The following PYROXD1 variants were observed in gnomAD, a reference collection of about 807,000 sequenced individuals.
PYROXD1 encodes the protein pyridine nucleotide-disulphide oxidoreductase domain 1, also known as tRNA ligase complex-associated NAD(P)H dehydrogenase PYROXD1.
Under a neutral mutation model 62.0 loss-of-function variants are expected in PYROXD1, and 42 were observed. That is an observed-to-expected ratio of 0.68 (90% confidence interval 0.53 to 0.88). The LOEUF is 0.88. Ranked by LOEUF, PYROXD1 falls within the 40% of genes least tolerant of loss-of-function variation. The pLI is 0.00. For missense variants in PYROXD1, 493 were observed against 604.8 expected (o/e 0.82, Z 1.94); for synonymous variants, 170 against 206.4 (o/e 0.82, Z 1.51).
Position 21,455,260 on chromosome 12 carries a change from T to C in PYROXD1, c.617T>C (p.Ile206Thr), listed in dbSNP as rs1261980731. The change falls in exon 6 of 12, where the codon ATT (isoleucine) becomes ACT (threonine). Residue 206 changes from isoleucine (I) to threonine (T), a missense_variant. By Grantham distance (89) the Ile-to-Thr change is moderately conservative (BLOSUM62 -1). Transcript: ENST00000240651. ...ATTGCTGAAAAATCAGAGGCTAAAA[T>C]TGCACATAAAAGAACCAGATATACA... ...KLIAEKSEAKIAHKRTRYTTE... is the reference protein window; with the variant it reads ...KLIAEKSEAKTAHKRTRYTTE... The C allele has an allele frequency of 6.4e-6, 10 of 1,570,916 alleles. No individual in the cohort carries two copies. The highest frequency in any genetic ancestry group is 5.9e-5 in the South Asian group (5 of 84,176).
intron 10 of PYROXD1, 110 bp downstream of exon 10, chr12:21,462,972 G>T: frequency 9.5e-7 from 1 of 1,052,012 alleles, no homozygotes. Flanking sequence ...TGCTTAAGTA[G>T]GAAGCTAGCA....
intron 3 of PYROXD1, among the ~76,000 whole-genome samples, chr12:21,446,841 G>A (rs1217147454): frequency 6.6e-6 from 1 of 151,960 alleles, no homozygotes; most frequent in Admixed American, 6.6e-5. Flanking sequence ...CCTGAGCCTG[G>A]GAGTTCAAGG....
intron 1 of PYROXD1, chr12:21,438,274 G>A (rs1942230892): frequency 6.5e-6 from 1 of 154,172 alleles, no homozygotes. Flanking sequence ...CTGTAGCTGG[G>A]ATTACAGGCG....
chr12:21,440,683 C>G lies in PYROXD1; in HGVS notation c.165+235C>G, dbSNP rs531703079. ...CTTTCTGTCACCTAATTTAATTGCT[C>G]TAGCTAGGACTTTAGTACTGTGTTG... On this transcript the variant is annotated intron_variant, in intron 2 of 11. Transcript: ENST00000240651. Among the ~76,000 whole-genome samples the G allele has an allele frequency of 2.0e-5, 3 of 152,196 alleles. No individual in the cohort carries two copies. The South Asian group carries it at 6.2e-4, about 32-fold the overall frequency.
At chr12:21,445,101 G>C (rs1942361680) in intron 2 of PYROXD1, among the ~76,000 whole-genome samples, 2 of 152,176 alleles carry the variant, frequency 1.3e-5, no homozygotes, top group Admixed American at 1.3e-4. Context: ...TTACAGGTCA[G>C]CTCTCATTTT....
Position 21,449,641 on chromosome 12 carries a change from T to A in PYROXD1, c.364T>A (p.Cys122Ser). The A allele has an allele frequency of 6.2e-7, 1 of 1,613,312 alleles. No homozygotes were observed. Among genetic ancestry groups the A allele is most frequent in the Non-Finnish European group, 8.5e-7 (1 of 1,179,426 alleles). Reference protein sequence around the residue: ...LCAGAKPKLICEGNPYVLGIR... With the variant: ...LCAGAKPKLISEGNPYVLGIR... The stretch of plus-strand genomic sequence containing the variant: ...TGCTGGAGCTAAACCAAAGTTGATA[T>A]GTGAAGGAAATCCTTATGTATTAGG... Residue 122 changes from cysteine (C) to serine (S), a missense_variant, in exon 4 of 12, where the codon TGT (cysteine) becomes AGT (serine). Transcript: ENST00000240651.
chr12:21,464,755 T>G (rs1942761195), intron 10 of PYROXD1, among the ~76,000 whole-genome samples: 1 of 152,024 alleles, frequency 6.6e-6, no homozygotes, highest in Non-Finnish European at 1.5e-5. Context: ...ATTTAAGTTT[T>G]AGGATACATG....
intron 7 of PYROXD1, among the ~76,000 whole-genome samples, chr12:21,457,841 C>T (rs188905836): frequency 1.8e-4 from 28 of 152,322 alleles, no homozygotes; most frequent in Non-Finnish European, 3.4e-4. Flanking sequence ...GCCGTACCTC[C>T]AACATTGGGG....
intron 3 of PYROXD1, among the ~76,000 whole-genome samples, chr12:21,445,733 G>A (rs1182822877): frequency 6.6e-6 from 1 of 152,168 alleles, no homozygotes; most frequent in Non-Finnish European, 1.5e-5. Context: ...TACTGCATTA[G>A]GTGCTGGGAT....
chr12:21,456,571 G>C (rs1942601153), intron 7 of PYROXD1, among the ~76,000 whole-genome samples: 1 of 152,172 alleles, frequency 6.6e-6, no homozygotes, highest in Admixed American at 6.5e-5. Flanking sequence ...ACAATCATCT[G>C]AGCCTTCAGC....
At position 21,458,675 on chromosome 12, in the gene PYROXD1, G is replaced by A. The variant is rs180797478; in HGVS notation, c.751-2350G>A. 5.3e-5 allele frequency among the ~76,000 whole-genome samples: 8 copies of A among 152,234 alleles called. No homozygotes were observed. The East Asian group carries it at 5.8e-4, about 11-fold the overall frequency. On this transcript the variant is annotated intron_variant, in intron 7 of 11. Transcript: ENST00000240651. ...CTGGTTTCAATATTCTTGTGTCTCC[G>A]GGAATAAGGAGGCCCAAGGAGAGGG...
At chr12:21,467,728 C>CA (rs1321723388) in intron 11 of PYROXD1, 110 bp downstream of exon 11, 9 of 839,532 alleles carry the variant, frequency 1.1e-5, no homozygotes, top group African/African-American at 3.5e-5. Flanking sequence ...TAATCATCTA[C>CA]AAAAAAATGA....
chr12:21,439,416 A>C (rs1719252461), intron 1 of PYROXD1, among the ~76,000 whole-genome samples: 1 of 152,192 alleles, frequency 6.6e-6, no homozygotes, highest in South Asian at 2.1e-4. Context: ...GGAAAGAAAG[A>C]TGGAGAGAGT....
intron 10 of PYROXD1, among the ~76,000 whole-genome samples, chr12:21,466,727 C>T (rs1382223673): frequency 6.6e-6 from 1 of 152,148 alleles, no homozygotes; most frequent in East Asian, 1.9e-4. Context: ...GAGAGGGCAT[C>T]CCTGTCTTAT....
chr12:21,461,249 T>G (rs1217558374), intron 8 of PYROXD1, 95 bp downstream of exon 8: 2 of 777,620 alleles, frequency 2.6e-6, no homozygotes, highest in Non-Finnish European at 3.8e-6. Flanking sequence ...ACTTCGTATT[T>G]CCATATAAAA....
intron 6 of PYROXD1, 71 bp from the exon 7 acceptor site, chr12:21,455,924 T>TA (rs1942587590): frequency 3.2e-6 from 3 of 934,170 alleles, no homozygotes; most frequent in South Asian, 3.0e-5. Context: ...ATTGCCTAAA[T>TA]AAAAAACTTC....
At chr12:21,457,431 ATCT>A (rs1437216711) in intron 7 of PYROXD1, among the ~76,000 whole-genome samples, 6 of 134,432 alleles carry the variant, frequency 4.5e-5, no homozygotes, top group East Asian at 2.0e-4. Flanking sequence ...TTTGAAATGA[ATCT>A]TTTTTTTTTT....
At chr12:21,464,838 G>A (rs113650217) in intron 10 of PYROXD1, among the ~76,000 whole-genome samples, 8,467 of 151,944 alleles carry the variant, frequency 0.056, 315 homozygotes, top group African/African-American at 0.1. Flanking sequence ...CCCCACAAGA[G>A]TCCCCGGTGT....
At chr12:21,449,486 A>G (rs1942451791) in intron 3 of PYROXD1, 77 bp from the exon 4 acceptor site, 2 of 1,447,790 alleles carry the variant, frequency 1.4e-6, no homozygotes, top group South Asian at 1.3e-5. Context: ...GCCTTATTGA[A>G]TTTTTAGTTT....
Sources: gnomAD v4.1 joint callset for allele counts (sites outside exome capture counted in the v4.1 genomes callset) on GRCh38, gnomAD v4.1.1 for gene constraint, MANE v1.5 for transcripts, NCBI Gene and HGNC (gene_info 2026-07-23, HGNC 2026-07-21) for gene names.